Variants in PRELID2 observed in about 807,000 individuals in gnomAD.
PRELID2 encodes the protein PRELI domain-containing protein 2.
PRELID2 carries 25 observed loss-of-function variants against 28.4 expected under a neutral mutation model. The observed-to-expected ratio is 0.88, with a 90% CI of 0.64 to 1.23. PRELID2 has a LOEUF of 1.23. Ranked by LOEUF, PRELID2 falls within the 50% of genes most tolerant of loss-of-function variation. The pLI is 0.00. For synonymous variants in PRELID2, 76 were observed against 71.6 expected, an observed-to-expected ratio of 1.06 and a Z score of -0.31; for missense variants, 201 against 214.4, an observed-to-expected ratio of 0.94 and a Z score of 0.39.
chr5:145,736,275 G>A (rs1243578640), intron 1 of PRELID2, among the ~76,000 whole-genome samples: 1 of 152,032 alleles, frequency 6.6e-6, no homozygotes, highest in Admixed American at 6.6e-5. Flanking sequence ...TGGTCTTTGT[G>A]CTCTTTAATG....
chr5:145,303,868 T>G, the PRELID2 span, among the ~76,000 whole-genome samples: 1 of 152,172 alleles, frequency 6.6e-6, no homozygotes, highest in Admixed American at 6.5e-5. Context: ...TGACCATCTT[T>G]GTTGCATGTC....
At chr5:145,567,522 C>T (rs926600853) in intron 1 of PRELID2, among the ~76,000 whole-genome samples, 1 of 152,124 alleles carries the variant, frequency 6.6e-6, no homozygotes, top group African/African-American at 2.4e-5. Flanking sequence ...AAATTACAGG[C>T]ATGCACCACC....
the PRELID2 span, among the ~76,000 whole-genome samples, chr5:145,391,371 G>A: frequency 1.3e-5 from 2 of 152,224 alleles, no homozygotes; most frequent in African/African-American, 4.8e-5. Context: ...TGAAGCAATG[G>A]CCTGAGCTGT....
chr5:145,471,484 T>C (rs1262680445), downstream of PRELID2, among the ~76,000 whole-genome samples: 1 of 152,130 alleles, frequency 6.6e-6, no homozygotes, highest in Non-Finnish European at 1.5e-5. Context: ...CCTGACTCCT[T>C]GTGGGTTCTA....
rs1182927464 is a variant in PRELID2, at chr5:145,785,746, C to T, written c.474+10696G>A. Among the ~76,000 whole-genome samples the T allele has an allele frequency of 2.0e-5, 3 of 152,190 alleles. No individual in the cohort carries two copies. The East Asian group carries it at 5.8e-4, about 29-fold the overall frequency. ...ATGGAACTTAAGATACGTGGATTAG[C>T]TCAAAATTCTAAACAAGCACCCATC... is the stretch of plus-strand genomic sequence containing the variant. On this transcript the variant is annotated intron_variant, in intron 5 of 6. Coordinates refer to ENST00000683046, the MANE Select transcript of PRELID2 (RefSeq NM_205846.3).
intron 1 of PRELID2, among the ~76,000 whole-genome samples, chr5:145,617,532 C>T (rs548786753): frequency 2.6e-5 from 4 of 152,256 alleles, no homozygotes; most frequent in Non-Finnish European, 5.9e-5. Context: ...TACCAGACAT[C>T]TTGGAGGCTT....
At chr5:145,548,926 T>A (rs1752809744) in intron 1 of PRELID2, among the ~76,000 whole-genome samples, 1 of 152,158 alleles carries the variant, frequency 6.6e-6, no homozygotes, top group African/African-American at 2.4e-5. Context: ...CTGCCACTCA[T>A]TTGTACCCAC....
intron 1 of PRELID2, among the ~76,000 whole-genome samples, chr5:145,715,102 A>G (rs1755806891): frequency 6.6e-6 from 1 of 152,130 alleles, no homozygotes; most frequent in South Asian, 2.1e-4. Flanking sequence ...CACTCATACA[A>G]TCAACCCTTT....
the PRELID2 span, among the ~76,000 whole-genome samples, chr5:145,415,762 G>A: frequency 3.1e-4 from 47 of 152,004 alleles, no homozygotes; most frequent in African/African-American, 1.1e-3. Flanking sequence ...TGTCTTTATA[G>A]CAGCATGATT....
intron 1 of PRELID2, among the ~76,000 whole-genome samples, chr5:145,547,824 C>T (rs1258863012): frequency 6.6e-6 from 1 of 152,036 alleles, no homozygotes; most frequent in Non-Finnish European, 1.5e-5. Context: ...AACCAGCCAG[C>T]TTTTTCATCA....
intron 1 of PRELID2, among the ~76,000 whole-genome samples, chr5:145,478,438 T>C (rs970368192): frequency 6.6e-6 from 1 of 151,848 alleles, no homozygotes; most frequent in Non-Finnish European, 1.5e-5. Context: ...TCCCAGCTAC[T>C]GGGGGATCCT....
chr5:145,257,610 A>T, the PRELID2 span, among the ~76,000 whole-genome samples: 1 of 152,162 alleles, frequency 6.6e-6, no homozygotes, highest in Non-Finnish European at 1.5e-5. Flanking sequence ...AATGTTTAAG[A>T]ATATAGAATG....
the PRELID2 span, among the ~76,000 whole-genome samples, chr5:145,422,966 A>G: frequency 2.7e-5 from 4 of 150,334 alleles, no homozygotes; most frequent in East Asian, 5.8e-4. Flanking sequence ...GCTTGTCTGT[A>G]AAGTATTTTA....
At chr5:145,831,328 GTAACTTTTTCTAA>G (rs1454656627) in intron 1 of PRELID2, among the ~76,000 whole-genome samples, 1 of 152,158 alleles carries the variant, frequency 6.6e-6, no homozygotes, top group Non-Finnish European at 1.5e-5. Context: ...AAAGGAAGGA[GTAACTTTTTCTAA>G]TTTGCATAAA....
At position 145,792,010 on chromosome 5, in the gene PRELID2, T is replaced by C. The variant is rs575798298; in HGVS notation, c.474+4432A>G. Among the ~76,000 whole-genome samples the C allele has an allele frequency of 9.2e-5, 14 of 152,270 alleles. No homozygotes were observed. The South Asian group carries it at 2.9e-3, about 32-fold the overall frequency. ...CCCTCATAGGCCGTTTCAAGTAGCA[T>C]GGCCGCATTCCTCTGGCCCATTCCA... On this transcript the variant is annotated intron_variant, in intron 5 of 6. Transcript: ENST00000683046.
the PRELID2 span, among the ~76,000 whole-genome samples, chr5:145,369,047 T>C: frequency 6.6e-6 from 1 of 151,916 alleles, no homozygotes; most frequent in Non-Finnish European, 1.5e-5. Flanking sequence ...CTCCCACTTA[T>C]AAGTGAAAAC....
the PRELID2 span, among the ~76,000 whole-genome samples, chr5:145,390,637 G>T: frequency 6.6e-6 from 1 of 152,042 alleles, no homozygotes; most frequent in African/African-American, 2.4e-5. Context: ...ATATCATTCT[G>T]CCCCGGCCCC....
At chr5:145,784,765 G>C (rs1751875689) in intron 5 of PRELID2, among the ~76,000 whole-genome samples, 1 of 138,126 alleles carries the variant, frequency 7.2e-6, no homozygotes, top group African/African-American at 2.7e-5. Context: ...TGAAATAGTT[G>C]GGCTAAATAA....
At chr5:145,271,989 T>C in the PRELID2 span, among the ~76,000 whole-genome samples, 1 of 152,296 alleles carries the variant, frequency 6.6e-6, no homozygotes, top group East Asian at 1.9e-4. Flanking sequence ...ATTAAATCTC[T>C]CTGGTGGCTT....
Sources: allele counts gnomAD v4.1 joint callset (sites outside exome capture counted in the v4.1 genomes callset), GRCh38; gene constraint gnomAD v4.1.1; transcripts MANE v1.5; gene names NCBI Gene and HGNC (gene_info 2026-07-23, HGNC 2026-07-21).